The following DARS2 variants were observed in gnomAD, a reference collection of about 807,000 sequenced individuals.
The protein encoded by DARS2 is aspartate--tRNA ligase, mitochondrial.
Under a neutral mutation model 83.0 loss-of-function variants are expected in DARS2, and 63 were observed. That is an observed-to-expected ratio of 0.76 (90% CI 0.62 to 0.94). The LOEUF (loss-of-function observed/expected upper bound fraction) is 0.94. Among genes scored for constraint, DARS2 ranks in the 40% least tolerant of loss-of-function variants. DARS2 has a pLI of 0.00. For missense variants in DARS2, 675 were observed against 774.4 expected (o/e 0.87, Z 1.52); for synonymous variants, 250 against 269.3 (o/e 0.93, Z 0.70).
Position 173,841,101 on chromosome 1 carries a change from A to G in DARS2, c.1128+128A>G, listed in dbSNP as rs6675762. The G allele has an allele frequency of 0.031, 21,793 of 713,056 alleles. 2,886 individuals carry two copies. The African/African-American group carries it at 0.31, about 10-fold the overall frequency. 44.2% of individuals were successfully genotyped at this position (713,056 alleles called of 1,614,324 possible). A position where few individuals can be genotyped will look rare whatever the true frequency, so the allele number is the denominator to read the frequency against. ...ATAAAAATAGGGATTTTTGCTGGGCATGGTGGCTCACACCTGTAATCCTAG... is the reference window on the plus strand; with the variant it reads ...ATAAAAATAGGGATTTTTGCTGGGCGTGGTGGCTCACACCTGTAATCCTAG... On this transcript the variant is annotated intron_variant, in intron 11 of 16. Coordinates refer to ENST00000649689, the MANE Select transcript of DARS2 (RefSeq NM_018122.5).
At position 173,825,655 on chromosome 1, in the gene DARS2, G is replaced by A. The variant is rs866508881; in HGVS notation, c.127+299G>A. On this transcript the variant is annotated intron_variant, in intron 1 of 16. Transcript: ENST00000649689. ...GGCTAATTTTTCTGTATTTTTGGTA[G>A]AGCCGGGGTTTCACTGTGTTAGCCA... Among the ~76,000 whole-genome samples the A allele has an allele frequency of 9.9e-5, 15 of 151,258 alleles. 1 individual carries two copies. The highest frequency in any genetic ancestry group is 6.3e-4 in the South Asian group (3 of 4,774).
chr1:173,849,531 CAAAA>C (rs574319538), intron 12 of DARS2, among the ~76,000 whole-genome samples: 6 of 73,910 alleles, frequency 8.1e-5, no homozygotes, highest in African/African-American at 8.2e-5. Context: ...GACTCCATCT[CAAAA>C]AAAAAAAAAA....
chr1:173,846,320 G>A (rs757270609), intron 12 of DARS2, among the ~76,000 whole-genome samples: 1 of 152,048 alleles, frequency 6.6e-6, no homozygotes, highest in Non-Finnish European at 1.5e-5. Context: ...CACAGAGCAA[G>A]ACTCAGTCTC....
At chr1:173,851,278 T>C (rs1282063494) in intron 13 of DARS2, among the ~76,000 whole-genome samples, 1 of 150,296 alleles carries the variant, frequency 6.7e-6, no homozygotes, top group African/African-American at 2.5e-5. Context: ...TTTTTTTTCA[T>C]AGCTACCAGC....
At chr1:173,834,654 G>T (rs1652908969) in intron 7 of DARS2, 135 bp downstream of exon 7, 3 of 314,552 alleles carry the variant, frequency 9.5e-6, no homozygotes, top group Non-Finnish European at 1.2e-5. Flanking sequence ...TTTTTCTGAA[G>T]AATTGAGAAA....
At chr1:173,837,977 G>T (rs761923475) in intron 8 of DARS2, among the ~76,000 whole-genome samples, 6 of 152,166 alleles carry the variant, frequency 3.9e-5, no homozygotes, top group Non-Finnish European at 8.8e-5. Context: ...GTTTCACCAT[G>T]TTGGCCAGGC....
At chr1:173,829,896 A>G (rs1231069868) in intron 3 of DARS2, among the ~76,000 whole-genome samples, 1 of 151,982 alleles carries the variant, frequency 6.6e-6, no homozygotes, top group African/African-American at 2.4e-5. Flanking sequence ...CAACAGAGCA[A>G]GACTCTATCT....
intron 2 of DARS2, 21 bp from the exon 3 acceptor site, chr1:173,828,312 T>TGGGGGGGGGGGGGGGGGGGGGGGG: frequency 6.4e-7 from 1 of 1,551,354 alleles, no homozygotes; most frequent in Non-Finnish European, 8.8e-7. Flanking sequence ...AATGTTTCTT[T>TGGGGGGGGGGGGGGGGGGGGGGGG]TCCCCCCCCC....
chr1:173,833,283 G>A, intron 5 of DARS2, 93 bp from the exon 6 acceptor site: 1 of 1,165,842 alleles, frequency 8.6e-7, no homozygotes, highest in African/African-American at 1.6e-5. Context: ...TAAAGACAGA[G>A]CTAAAATTTT....
At chr1:173,847,385 G>A (rs994783148) in intron 12 of DARS2, among the ~76,000 whole-genome samples, 1 of 151,980 alleles carries the variant, frequency 6.6e-6, no homozygotes, top group Non-Finnish European at 1.5e-5. Context: ...AAGCCTGAAG[G>A]TTAACTTTGG....
chr1:173,831,544 A>C lies in DARS2; in HGVS notation c.406A>C (p.Thr136Pro). 3 of 1,613,770 alleles carry C rather than the reference A, an allele frequency of 1.9e-6. No individual in the cohort carries two copies. The highest frequency in any genetic ancestry group is 2.5e-6 in the Non-Finnish European group (3 of 1,179,650). Residue 136 changes from threonine to proline, a missense_variant, in exon 5 of 17, where the codon ACA (threonine) becomes CCA (proline). Coordinates refer to ENST00000649689, the MANE Select transcript of DARS2 (RefSeq NM_018122.5). ...PAGQENPKMP[T>P]GEIEIKVKTA... The stretch of plus-strand genomic sequence containing the variant: ...CTTCTCACTCTCCAAGAAAATGCCA[A>C]CAGGTGAGATTGAAATCAAAGTTAA...
intron 1 of DARS2, among the ~76,000 whole-genome samples, chr1:173,825,943 C>A (rs551340136): frequency 2.6e-5 from 4 of 151,396 alleles, no homozygotes; most frequent in Admixed American, 1.3e-4. Flanking sequence ...CCTTCTTCGG[C>A]CGGGCGCGGT....
rs560532334 is a variant in DARS2, at chr1:173,835,931, C to A, written c.664-1009C>A. 1.9e-3 allele frequency among the ~76,000 whole-genome samples: 293 copies of A among 151,998 alleles called. 1 individual carries two copies. The highest frequency in any genetic ancestry group is 6.6e-3 in the African/African-American group (275 of 41,472). On this transcript the variant is annotated intron_variant, in intron 7 of 16. Transcript: ENST00000649689. ...AATTAGCTGGGCATGGTGGCAGGCA[C>A]CTGTAGTCCCAGCTACTCAGGAGGC... is the stretch of plus-strand genomic sequence containing the variant.
At chr1:173,830,910 T>C (rs1323789798) in intron 4 of DARS2, 149 bp downstream of exon 4, 1 of 687,536 alleles carries the variant, frequency 1.5e-6, no homozygotes, top group East Asian at 2.8e-5. Flanking sequence ...ATCTTGACTA[T>C]AAACAAACAC....
At chr1:173,840,650 A>G (rs1368543184) in intron 10 of DARS2, among the ~76,000 whole-genome samples, 1 of 152,210 alleles carries the variant, frequency 6.6e-6, no homozygotes, top group East Asian at 1.9e-4. Context: ...CATCTATGAA[A>G]TAGGGATAAT....
intron 10 of DARS2, among the ~76,000 whole-genome samples, 169 bp from the exon 11 acceptor site, chr1:173,840,697 T>C (rs542675556): frequency 2.6e-5 from 4 of 152,348 alleles, no homozygotes; most frequent in African/African-American, 9.6e-5. Context: ...AATGAGTATA[T>C]GTAAAACACT....
At chr1:173,840,110 G>T (rs558449346) in intron 10 of DARS2, among the ~76,000 whole-genome samples, 1 of 152,180 alleles carries the variant, frequency 6.6e-6, no homozygotes, top group South Asian at 2.1e-4. Context: ...GTCCTGCCTG[G>T]TCTGTGAATA....
chr1:173,852,496 T>C (rs1343555679), intron 13 of DARS2, among the ~76,000 whole-genome samples: 1 of 151,508 alleles, frequency 6.6e-6, no homozygotes, highest in African/African-American at 2.4e-5. Flanking sequence ...CACACTCTTA[T>C]TTTTTTTTAT....
At chr1:173,851,423 A>AG (rs1318131853) in intron 13 of DARS2, among the ~76,000 whole-genome samples, 1 of 152,162 alleles carries the variant, frequency 6.6e-6, no homozygotes. Flanking sequence ...GAAGAAAATT[A>AG]GGAGTCTCAA....
Sources: gnomAD v4.1 joint callset for allele counts (sites outside exome capture counted in the v4.1 genomes callset) on GRCh38, gnomAD v4.1.1 for gene constraint, MANE v1.5 for transcripts, NCBI Gene and HGNC (gene_info 2026-07-23, HGNC 2026-07-21) for gene names.